Variants in CMTM8 observed in about 807,000 individuals in gnomAD.
CMTM8 encodes CKLF-like MARVEL transmembrane domain-containing protein 8.
In CMTM8, 12 loss-of-function variants were observed where a neutral mutation model predicts 18.6. That is an observed-to-expected ratio of 0.65 (90% CI 0.41 to 1.05). CMTM8 has a LOEUF of 1.05. CMTM8 is among the 50% of genes least tolerant of loss of function. The pLI, the probability that CMTM8 is intolerant of heterozygous loss-of-function variation, is 0.00. For missense variants in CMTM8, 217 were observed against 227.2 expected (o/e 0.95, Z 0.29); for synonymous variants, 87 against 90.6 (o/e 0.96, Z 0.23).
At chr3:32,328,925 C>A (rs1696219193) in intron 1 of CMTM8, among the ~76,000 whole-genome samples, 1 of 152,128 alleles carries the variant, frequency 6.6e-6, no homozygotes, top group Non-Finnish European at 1.5e-5. Flanking sequence ...TAACACCAGT[C>A]CTTGTAAAAC....
intron 1 of CMTM8, among the ~76,000 whole-genome samples, chr3:32,346,364 T>TA (rs1696595974): frequency 6.6e-6 from 1 of 152,234 alleles, no homozygotes; most frequent in South Asian, 2.1e-4. Flanking sequence ...TTCTACATGT[T>TA]AACTAGTCAC....
rs148327713 is a variant in CMTM8, at chr3:32,276,620, G to A, written c.147+37501G>A. Among the ~76,000 whole-genome samples, 809 of 152,226 alleles carry A rather than the reference G, an allele frequency of 5.3e-3. 2 individuals are homozygous for A. Among genetic ancestry groups the A allele is most frequent in the Non-Finnish European group, 8.9e-3 (603 of 68,016 alleles). On this transcript the variant is annotated intron_variant, in intron 1 of 3. Transcript: ENST00000307526. ...ACACAAGATCTTTGTTCTTTGGAGG[G>A]GAGTATTAGCTGGGGCCCCAGGCAA...
chr3:32,292,513 C>G (rs886166753), intron 1 of CMTM8, among the ~76,000 whole-genome samples: 4 of 152,176 alleles, frequency 2.6e-5, no homozygotes, highest in Non-Finnish European at 5.9e-5. Context: ...GTATGAAAAG[C>G]TGTGCACAGA....
intron 1 of CMTM8, among the ~76,000 whole-genome samples, chr3:32,339,669 C>T (rs941312440): frequency 6.6e-6 from 1 of 152,214 alleles, no homozygotes; most frequent in African/African-American, 2.4e-5. Flanking sequence ...TCAGTAAGAA[C>T]TCTGCAGGGG....
intron 1 of CMTM8, among the ~76,000 whole-genome samples, chr3:32,316,819 A>G (rs1028227035): frequency 1.3e-5 from 2 of 152,228 alleles, no homozygotes; most frequent in African/African-American, 4.8e-5. Flanking sequence ...CAGTTATTAC[A>G]TGGCAGGATC....
chr3:32,311,672 C>T (rs557854095), intron 1 of CMTM8, among the ~76,000 whole-genome samples: 5 of 152,276 alleles, frequency 3.3e-5, no homozygotes, highest in East Asian at 1.9e-4. Flanking sequence ...CTTCTGTGGC[C>T]ACATGTGTAG....
intron 1 of CMTM8, among the ~76,000 whole-genome samples, chr3:32,250,765 T>G (rs1259677824): frequency 6.6e-6 from 1 of 151,970 alleles, no homozygotes; most frequent in Non-Finnish European, 1.5e-5. Flanking sequence ...TATAAAAAAT[T>G]TATACAAAAA....
rs181189268 is a variant in CMTM8, at chr3:32,262,188, G to A, written c.147+23069G>A. 4.6e-5 allele frequency among the ~76,000 whole-genome samples: 7 copies of A among 152,246 alleles called. No homozygotes were observed. In the East Asian group the frequency reaches 7.7e-4, roughly 17 times the overall value. ...CCCCTGACTTGCCTCTCAACACCAC[G>A]AAGCGAGGAATGGGACGCTGGGATT... On this transcript the variant is annotated intron_variant, in intron 1 of 3. Transcript: ENST00000307526.
At chr3:32,338,836 A>G (rs770875700) in intron 1 of CMTM8, among the ~76,000 whole-genome samples, 3 of 152,226 alleles carry the variant, frequency 2.0e-5, no homozygotes, top group Non-Finnish European at 4.4e-5. Flanking sequence ...GTTCTGGCTC[A>G]GGTGTTTTCC....
Position 32,334,605 on chromosome 3 carries a change from CA to C in CMTM8, c.148-22756del, listed in dbSNP as rs986810947. Among the ~76,000 whole-genome samples, 193 of 139,238 alleles carry C rather than the reference CA, an allele frequency of 1.4e-3. No individual in the cohort carries two copies. In the South Asian group the frequency reaches 0.015, roughly 11 times the overall value. 91.3% of individuals were successfully genotyped at this position (139,238 alleles called of 152,430 possible). ...TGGGCGACAGAGCAAGACTCCATCTCAAAAAAAAAAAAGTGAAGGAGCATGT... is the reference window on the plus strand; with the variant it reads ...TGGGCGACAGAGCAAGACTCCATCTCAAAAAAAAAAAGTGAAGGAGCATGT... On this transcript the variant is annotated intron_variant, in intron 1 of 3. Coordinates refer to ENST00000307526, the MANE Select transcript of CMTM8 (RefSeq NM_178868.5).
chr3:32,303,444 A>T (rs1695661954), intron 1 of CMTM8, among the ~76,000 whole-genome samples: 1 of 152,178 alleles, frequency 6.6e-6, no homozygotes, highest in African/African-American at 2.4e-5. Context: ...GTTGGTTTAG[A>T]TTCAGGTGTT....
chr3:32,352,426 T>C (rs1559387471), intron 1 of CMTM8, among the ~76,000 whole-genome samples: 1 of 152,214 alleles, frequency 6.6e-6, no homozygotes, highest in Non-Finnish European at 1.5e-5. Flanking sequence ...GAAGTGCAGA[T>C]TCTCAGGTCC....
At chr3:32,357,341 C>G in intron 1 of CMTM8, 32 bp from the exon 2 acceptor site, 1 of 1,574,620 alleles carries the variant, frequency 6.4e-7, no homozygotes, top group South Asian at 1.1e-5. Context: ...CTACTGTCCC[C>G]TCCTCTCTCC....
intron 1 of CMTM8, among the ~76,000 whole-genome samples, chr3:32,301,210 T>G (rs912336835): frequency 1.3e-5 from 2 of 152,086 alleles, no homozygotes; most frequent in East Asian, 1.9e-4. Flanking sequence ...TTTCCACAGA[T>G]TTTTTGCCCT....
intron 1 of CMTM8, among the ~76,000 whole-genome samples, chr3:32,292,768 A>C (rs530088635): frequency 6.6e-6 from 1 of 152,206 alleles, no homozygotes; most frequent in East Asian, 1.9e-4. Flanking sequence ...AGTAGTAGCA[A>C]CCCACTGACC....
chr3:32,313,174 GA>G (rs1222834345), intron 1 of CMTM8, among the ~76,000 whole-genome samples: 1 of 152,024 alleles, frequency 6.6e-6, no homozygotes, highest in East Asian at 1.9e-4. Flanking sequence ...TGCCCCTGGT[GA>G]AACCCCACCT....
chr3:32,329,229 C>T (rs1696225571), intron 1 of CMTM8, among the ~76,000 whole-genome samples: 1 of 152,114 alleles, frequency 6.6e-6, no homozygotes, highest in African/African-American at 2.4e-5. Context: ...CCAAGCCCGG[C>T]TAATTTTTGT....
intron 1 of CMTM8, among the ~76,000 whole-genome samples, chr3:32,255,876 C>A (rs976569812): frequency 1.3e-5 from 2 of 151,940 alleles, no homozygotes; most frequent in Non-Finnish European, 2.9e-5. Flanking sequence ...CAGGTACTTG[C>A]CACCATGCCC....
chr3:32,326,509 T>G (rs1696159210), intron 1 of CMTM8, among the ~76,000 whole-genome samples: 1 of 145,474 alleles, frequency 6.9e-6, no homozygotes, highest in Non-Finnish European at 1.5e-5. Flanking sequence ...TGACTTTTCT[T>G]TCTTTCTTTT....
Sources: allele counts gnomAD v4.1 joint callset (sites outside exome capture counted in the v4.1 genomes callset), GRCh38; gene constraint gnomAD v4.1.1; transcripts MANE v1.5; gene names NCBI Gene and HGNC (gene_info 2026-07-23, HGNC 2026-07-21).